ABCB1: variants seen among roughly 807,000 people sequenced by gnomAD.
ABCB1 encodes the protein ATP binding cassette subfamily B member 1.
Under a neutral mutation model 142.0 loss-of-function variants are expected in ABCB1, and 69 were observed. The observed-to-expected ratio is 0.49, with a 90% CI of 0.40 to 0.59. ABCB1 has a LOEUF of 0.59. ABCB1 is among the 20% of genes least tolerant of loss of function. The pLI, the probability that ABCB1 is intolerant of heterozygous loss-of-function variation, is 0.00. For synonymous variants in ABCB1, 532 were observed against 539.2 expected, an observed-to-expected ratio of 0.99 and a Z score of 0.18; for missense variants, 1,326 against 1,554.7, an observed-to-expected ratio of 0.85 and a Z score of 2.47.
intron 4 of ABCB1, among the ~76,000 whole-genome samples, chr7:87,574,023 A>G (rs1818173016): frequency 6.6e-6 from 1 of 152,222 alleles, no homozygotes. Flanking sequence ...TATTTTCCAC[A>G]TGCTGAGAAG....
At chr7:87,562,414 C>T (rs1487368602) in intron 7 of ABCB1, among the ~76,000 whole-genome samples, 1 of 152,040 alleles carries the variant, frequency 6.6e-6, no homozygotes, top group Admixed American at 6.6e-5. Flanking sequence ...GATAGGGTGG[C>T]CAGCGCCATC....
intron 1 of ABCB1, among the ~76,000 whole-genome samples, chr7:87,620,300 C>T (rs1016148336): frequency 1.3e-5 from 2 of 152,112 alleles, no homozygotes; most frequent in African/African-American, 4.8e-5. Context: ...GCTGGGACTA[C>T]AGGCGCGTGC....
intron 4 of ABCB1, among the ~76,000 whole-genome samples, chr7:87,572,749 G>A (rs982780511): frequency 4.6e-5 from 7 of 152,144 alleles, no homozygotes; most frequent in African/African-American, 1.4e-4. Flanking sequence ...CCTTTGCAGG[G>A]ACAGGGAGGG....
Position 87,565,394 on chromosome 7 carries a change from G to A in ABCB1, c.702+676C>T. 3 of 425,438 alleles carry A rather than the reference G, an allele frequency of 7.1e-6. 1 individual carries two copies. The highest frequency in any genetic ancestry group is 5.1e-5 in the South Asian group (3 of 58,956). The allele number at this position is 425,438 out of a possible 1,614,324, so 26.4% of individuals were successfully genotyped here. On this transcript the variant is annotated intron_variant, in intron 7 of 27. Coordinates refer to ENST00000622132, the MANE Select transcript of ABCB1 (RefSeq NM_001348946.2). The stretch of plus-strand genomic sequence containing the variant: ...TTAACACCATGTTCACCTTGAAATG[G>A]AAAATAAGTTTTAAAAGATCACTGG...
intron 1 of ABCB1, among the ~76,000 whole-genome samples, chr7:87,610,510 A>G (rs1386372330): frequency 6.6e-6 from 1 of 150,590 alleles, no homozygotes; most frequent in Non-Finnish European, 1.5e-5. Flanking sequence ...CAGGCTCCCA[A>G]AATGCTGAGA....
At chr7:87,637,590 T>G (rs751979941) in intron 1 of ABCB1, among the ~76,000 whole-genome samples, 3 of 152,130 alleles carry the variant, frequency 2.0e-5, no homozygotes, top group Non-Finnish European at 2.9e-5. Context: ...TTCTAGAATT[T>G]TTCTCAATAA....
At chr7:87,656,051 C>T (rs1469016542) in intron 1 of ABCB1, among the ~76,000 whole-genome samples, 1 of 151,984 alleles carries the variant, frequency 6.6e-6, no homozygotes, top group Non-Finnish European at 1.5e-5. Context: ...TCTTGGACTT[C>T]CCAGCCTCTA....
intron 20 of ABCB1, among the ~76,000 whole-genome samples, chr7:87,534,937 A>C (rs1257004211): frequency 1.4e-5 from 2 of 139,488 alleles, no homozygotes; most frequent in South Asian, 4.3e-4. Flanking sequence ...AAAAAAAAAA[A>C]AAACTCCATT....
At chr7:87,631,856 A>G (rs924746928) in intron 1 of ABCB1, among the ~76,000 whole-genome samples, 1 of 152,156 alleles carries the variant, frequency 6.6e-6, no homozygotes, top group Admixed American at 6.5e-5. Context: ...TGTTGTCTGT[A>G]AAATAATATT....
At chr7:87,548,547 G>A (rs2129695703) in intron 14 of ABCB1, among the ~76,000 whole-genome samples, 1 of 152,224 alleles carries the variant, frequency 6.6e-6, no homozygotes, top group South Asian at 2.1e-4. Context: ...GGATGTTAAG[G>A]AACATTCAAG....
chr7:87,572,421 C>T (rs1818090366), intron 4 of ABCB1, among the ~76,000 whole-genome samples: 1 of 152,132 alleles, frequency 6.6e-6, no homozygotes, highest in Admixed American at 6.5e-5. Context: ...GTCAAAATTG[C>T]CTCCTTTATG....
chr7:87,627,803 G>C (rs1023876691), intron 1 of ABCB1: 1 of 152,336 alleles, frequency 6.6e-6, no homozygotes, highest in Non-Finnish European at 1.5e-5. Context: ...CTGGCACCAC[G>C]CTCCTCCTTA....
chr7:87,682,529 A>G (rs1341553561), intron 1 of ABCB1, among the ~76,000 whole-genome samples: 1 of 152,360 alleles, frequency 6.6e-6, no homozygotes, highest in African/African-American at 2.4e-5. Flanking sequence ...GTTAGAAGCC[A>G]TGAAAACAAC....
upstream of ABCB1, chr7:87,603,002 C>G (rs185461537): frequency 1.3e-5 from 2 of 152,276 alleles, no homozygotes; most frequent in South Asian, 4.1e-4. Flanking sequence ...TTCATTCAAG[C>G]GGTGATATTT....
intron 1 of ABCB1, chr7:87,628,913 G>C (rs758311208): frequency 1.5e-6 from 2 of 1,309,210 alleles, no homozygotes; most frequent in Non-Finnish European, 2.0e-6. Context: ...GCAATGCTGC[G>C]GTGGAGAGGA....
At chr7:87,662,608 C>G (rs1042321438) in intron 1 of ABCB1, among the ~76,000 whole-genome samples, 1 of 152,002 alleles carries the variant, frequency 6.6e-6, no homozygotes, top group Admixed American at 6.6e-5. Flanking sequence ...TTCCATTGGT[C>G]TATGTATCTC....
chr7:87,632,112 C>CA (rs201197232), intron 1 of ABCB1, among the ~76,000 whole-genome samples: 2,104 of 134,956 alleles, frequency 0.016, 47 homozygotes, highest in East Asian at 0.095. Context: ...TTTACAAAAC[C>CA]AAAAAAAAAA....
At chr7:87,543,445 G>A (rs1816631802) in intron 17 of ABCB1, among the ~76,000 whole-genome samples, 1 of 152,178 alleles carries the variant, frequency 6.6e-6, no homozygotes, top group Non-Finnish European at 1.5e-5. Context: ...AAAAGTCAGT[G>A]TTTAGCTTAT....
At chr7:87,532,188 TCACTCTATAATTTAGTCCAG>T (rs1247085071) in intron 20 of ABCB1, among the ~76,000 whole-genome samples, 1 of 152,146 alleles carries the variant, frequency 6.6e-6, no homozygotes. Flanking sequence ...GTTTAGTCCA[TCACTCTATAATTTAGTCCAG>T]CACATCTCCT....
Sources: gnomAD v4.1 joint callset for allele counts (sites outside exome capture counted in the v4.1 genomes callset) on GRCh38, gnomAD v4.1.1 for gene constraint, MANE v1.5 for transcripts, NCBI Gene and HGNC (gene_info 2026-07-23, HGNC 2026-07-21) for gene names.